The following POLR3B variants were observed in gnomAD, a reference collection of about 807,000 sequenced individuals.
POLR3B encodes DNA-directed RNA polymerase III subunit RPC2.
Under a neutral mutation model 147.4 loss-of-function variants are expected in POLR3B, and 96 were observed. That is an observed-to-expected ratio of 0.65 (90% CI 0.55 to 0.77). POLR3B has a LOEUF of 0.77. Among genes scored for constraint, POLR3B ranks in the 30% least tolerant of loss-of-function variants. The probability of loss-of-function intolerance (pLI) is 0.00; values close to 1 mark genes in which losing one functional copy is unlikely to be tolerated. For synonymous variants in POLR3B, 461 were observed against 485.9 expected, an observed-to-expected ratio of 0.95 and a Z score of 0.67; for missense variants, 1,036 against 1,413.5, an observed-to-expected ratio of 0.73 and a Z score of 4.28.
At chr12:106,430,950 G>A (rs1171034299) in intron 14 of POLR3B, among the ~76,000 whole-genome samples, 3 of 152,104 alleles carry the variant, frequency 2.0e-5, no homozygotes, top group Non-Finnish European at 4.4e-5. Flanking sequence ...CATCAAGCCA[G>A]GGAGTTTACA....
At chr12:106,400,457 A>C (rs528241119) in intron 10 of POLR3B, among the ~76,000 whole-genome samples, 28 of 151,962 alleles carry the variant, frequency 1.8e-4, no homozygotes, top group Admixed American at 1.8e-3. Context: ...ATTGAACTCG[A>C]CTCTGCACCA....
At chr12:106,431,257 TATTTA>T (rs1420432935) in intron 14 of POLR3B, among the ~76,000 whole-genome samples, 3 of 152,218 alleles carry the variant, frequency 2.0e-5, no homozygotes, top group African/African-American at 4.8e-5. Context: ...TTTTAGAAAC[TATTTA>T]ATTTATCTTA....
intron 12 of POLR3B, among the ~76,000 whole-genome samples, chr12:106,415,415 G>C (rs1264983174): frequency 6.6e-6 from 1 of 152,152 alleles, no homozygotes; most frequent in Non-Finnish European, 1.5e-5. Flanking sequence ...CAGTCTTTGT[G>C]GTTGTCACAG....
In POLR3B at chr12:106,358,049, T is replaced by G. The variant is rs543823898; in HGVS notation, c.72+98T>G. On this transcript the variant is annotated intron_variant, in intron 1 of 27. Coordinates refer to ENST00000228347, the MANE Select transcript of POLR3B (RefSeq NM_018082.6). ...GCCGCCAAGGGGGCGGGCTGGCGGT[T>G]TGTGCGCATGCGCCGGGCTTCTGCG... 35 of 1,562,122 alleles carry G rather than the reference T, an allele frequency of 2.2e-5. No homozygotes were observed. In the Admixed American group the frequency reaches 6.1e-4, roughly 27 times the overall value.
intron 12 of POLR3B, among the ~76,000 whole-genome samples, chr12:106,421,759 G>T (rs1273310179): frequency 6.6e-6 from 1 of 151,934 alleles, no homozygotes; most frequent in African/African-American, 2.4e-5. Flanking sequence ...GAGTGCAGTG[G>T]CATGATCTCT....
chr12:106,452,226 T>C (rs1212756733), intron 19 of POLR3B, among the ~76,000 whole-genome samples: 1 of 152,228 alleles, frequency 6.6e-6, no homozygotes, highest in Non-Finnish European at 1.5e-5. Context: ...TATTTTAACA[T>C]TTTAACTTAC....
chr12:106,496,351 G>A (rs781480376), intron 24 of POLR3B, 193 bp downstream of exon 24: 282 of 684,754 alleles, frequency 4.1e-4, no homozygotes, highest in Non-Finnish European at 6.1e-4. Context: ...AAAGAATGAG[G>A]AGCACATCTA....
At chr12:106,477,789 G>C (rs1270157809) in intron 23 of POLR3B, among the ~76,000 whole-genome samples, 1 of 151,416 alleles carries the variant, frequency 6.6e-6, no homozygotes, top group Non-Finnish European at 1.5e-5. Context: ...GATGAACCCG[G>C]TACCTCAGAT....
chr12:106,407,129 A>G (rs1447079258), intron 11 of POLR3B, among the ~76,000 whole-genome samples: 1 of 152,214 alleles, frequency 6.6e-6, no homozygotes, highest in East Asian at 1.9e-4. Flanking sequence ...AAAATTCTGA[A>G]TGTTAAAGCT....
At chr12:106,465,789 A>C (rs1385813107) in intron 23 of POLR3B, among the ~76,000 whole-genome samples, 1 of 152,220 alleles carries the variant, frequency 6.6e-6, no homozygotes, top group Non-Finnish European at 1.5e-5. Context: ...AAAGGACATG[A>C]ACTCATCCTT....
chr12:106,504,512 T>TCAGGTACTTTTTATAA lies in POLR3B; in HGVS notation c.3272+261_3272+276dup, dbSNP rs2038655469. On this transcript the variant is annotated intron_variant, in intron 27 of 27. Transcript: ENST00000228347. This position sits in a 1 kb window ranked among gnomAD's most constrained non-coding sequence, Gnocchi z 4.6. Reference sequence around the variant, plus strand: ...ACTTTACCTCCTTTTAAATATTCTCTCAGGTACTTTTTATAACACTATTTG... The same window carrying TCAGGTACTTTTTATAA: ...ACTTTACCTCCTTTTAAATATTCTCTCAGGTACTTTTTATAACAGGTACTTTTTATAACACTATTTG... 6.6e-6 allele frequency among the ~76,000 whole-genome samples: 1 copy of TCAGGTACTTTTTATAA among 152,232 alleles called. No homozygotes were observed. Among genetic ancestry groups the TCAGGTACTTTTTATAA allele is most frequent in the Non-Finnish European group, 1.5e-5 (1 of 68,046 alleles).
Position 106,501,280 on chromosome 12 carries a change from C to T in POLR3B, c.2985-43C>T. ...GTCCAAAGGCTGTCTCTTGTTAGCC[C>T]AAACTTAGTTTCTTAACCCACAACA... On this transcript the variant is annotated intron_variant, in intron 25 of 27. Transcript: ENST00000228347. 3 of 1,284,296 alleles carry T rather than the reference C, an allele frequency of 2.3e-6. No homozygotes were observed. The Middle Eastern group carries it at 5.5e-4, about 237-fold the overall frequency. The allele number at this position is 1,284,296 out of a possible 1,614,324, so 79.6% of individuals were successfully genotyped here. A position where few individuals can be genotyped will look rare whatever the true frequency, so the allele number is the denominator to read the frequency against.
chr12:106,405,157 A>G (rs1484896490), intron 10 of POLR3B, among the ~76,000 whole-genome samples: 2 of 152,146 alleles, frequency 1.3e-5, no homozygotes, highest in African/African-American at 2.4e-5. Context: ...AGGTAATATA[A>G]TACTCCAACT....
At chr12:106,390,131 T>C (rs999903487) in intron 9 of POLR3B, among the ~76,000 whole-genome samples, 1 of 150,910 alleles carries the variant, frequency 6.6e-6, no homozygotes, top group Non-Finnish European at 1.5e-5. Flanking sequence ...GGCAAGAGAA[T>C]CACTTGAATC....
chr12:106,491,346 G>A lies in POLR3B; in HGVS notation c.2714-4709G>A, dbSNP rs149202179. Among the ~76,000 whole-genome samples the A allele has an allele frequency of 4.2e-3, 645 of 152,228 alleles. 4 individuals carry two copies. The highest frequency in any genetic ancestry group is 5.8e-3 in the Non-Finnish European group (397 of 68,018). On this transcript the variant is annotated intron_variant, in intron 23 of 27. Coordinates refer to ENST00000228347, the MANE Select transcript of POLR3B (RefSeq NM_018082.6). Reference sequence around the variant, plus strand: ...TCAAATTAAAGTCACCCAATTCCTCGATTCACCTGCTCTACATAGGTCTAA... The same window carrying A: ...TCAAATTAAAGTCACCCAATTCCTCAATTCACCTGCTCTACATAGGTCTAA...
intron 23 of POLR3B, among the ~76,000 whole-genome samples, chr12:106,465,511 A>G (rs780485768): frequency 6.6e-6 from 1 of 152,200 alleles, no homozygotes; most frequent in African/African-American, 2.4e-5. Context: ...CATGTGCAGA[A>G]CGTGCAGTTT....
intron 23 of POLR3B, among the ~76,000 whole-genome samples, chr12:106,494,255 A>C (rs1185761530): frequency 2.0e-5 from 3 of 152,094 alleles, no homozygotes; most frequent in Non-Finnish European, 4.4e-5. Flanking sequence ...ACCCACCCCC[A>C]ATATAAGTAT....
At position 106,504,062 on chromosome 12, in the gene POLR3B, C is replaced by G. The variant is rs779393968; in HGVS notation, c.3099-19C>G. On this transcript the variant is annotated intron_variant, in intron 26 of 27. Coordinates refer to ENST00000228347, the MANE Select transcript of POLR3B (RefSeq NM_018082.6). The surrounding 1 kb of genome is among the most constrained non-coding windows in gnomAD (Gnocchi z 4.6). The stretch of plus-strand genomic sequence containing the variant: ...TTTAACAGAATAATAACACATTTGT[C>G]TAATAACTTGTTTCAAAGGCAACCC... 7 of 1,610,770 alleles carry G rather than the reference C, an allele frequency of 4.3e-6. No homozygotes were observed.
intron 23 of POLR3B, among the ~76,000 whole-genome samples, chr12:106,486,318 G>A (rs1026821651): frequency 1.6e-4 from 23 of 140,744 alleles, no homozygotes; most frequent in Non-Finnish European, 2.9e-4. Flanking sequence ...AAAAAAAAGA[G>A]TAAGGAGATT....
Sources: allele counts gnomAD v4.1 joint callset (sites outside exome capture counted in the v4.1 genomes callset), GRCh38; gene constraint gnomAD v4.1.1; non-coding constraint Gnocchi (gnomAD v3.1); transcripts MANE v1.5; gene names NCBI Gene and HGNC (gene_info 2026-07-23, HGNC 2026-07-21).